The following KCNQ5 variants were observed in gnomAD, a reference collection of about 807,000 sequenced individuals.
The protein encoded by KCNQ5 is potassium voltage-gated channel subfamily Q member 5.
A neutral mutation model predicts 98.2 loss-of-function variants in KCNQ5; 30 were observed. The observed-to-expected ratio is 0.31, with a 90% CI of 0.23 to 0.41. The LOEUF (loss-of-function observed/expected upper bound fraction) is 0.41. KCNQ5 is among the 10% of genes least tolerant of loss of function. KCNQ5 has a pLI of 1.00. For missense variants in KCNQ5, 835 were observed against 1,182.5 expected, an observed-to-expected ratio of 0.71 and a Z score of 4.31; for synonymous variants, 458 against 449.4, an observed-to-expected ratio of 1.02 and a Z score of -0.24.
At chr6:73,147,841 C>T (rs959325370) in intron 10 of KCNQ5, among the ~76,000 whole-genome samples, 21 of 152,012 alleles carry the variant, frequency 1.4e-4, no homozygotes, top group African/African-American at 4.6e-4. Context: ...TTATTAAAAT[C>T]GTTATTGCTG....
chr6:73,038,984 T>C (rs973066879), intron 2 of KCNQ5, among the ~76,000 whole-genome samples: 2 of 152,122 alleles, frequency 1.3e-5, no homozygotes, highest in Admixed American at 6.5e-5. Context: ...ACATTTCTGT[T>C]TGGGGAGATT....
chr6:73,138,075 G>A (rs1256176450), intron 10 of KCNQ5, among the ~76,000 whole-genome samples: 1 of 152,134 alleles, frequency 6.6e-6, no homozygotes, highest in East Asian at 1.9e-4. Flanking sequence ...TGGGGAAATG[G>A]CCTTTCAATG....
intron 1 of KCNQ5, among the ~76,000 whole-genome samples, chr6:72,725,795 A>G (rs921995360): frequency 6.6e-6 from 1 of 152,198 alleles, no homozygotes; most frequent in Non-Finnish European, 1.5e-5. Context: ...AAATATATAT[A>G]ATTATTACTT....
intron 1 of KCNQ5, among the ~76,000 whole-genome samples, chr6:72,731,560 A>C (rs887838179): frequency 2.6e-5 from 4 of 152,142 alleles, no homozygotes; most frequent in African/African-American, 9.7e-5. Flanking sequence ...CTCCATCCCC[A>C]AGTTTGCCTC....
chr6:73,121,735 G>T (rs1450787789), intron 8 of KCNQ5, among the ~76,000 whole-genome samples: 2 of 152,174 alleles, frequency 1.3e-5, no homozygotes, highest in Non-Finnish European at 2.9e-5. Context: ...TCTTAATGGA[G>T]GTTTGTGATG....
At chr6:73,050,187 A>C (rs1412425473) in intron 3 of KCNQ5, among the ~76,000 whole-genome samples, 1 of 151,710 alleles carries the variant, frequency 6.6e-6, no homozygotes, top group Non-Finnish European at 1.5e-5. Flanking sequence ...ACTGTACTGC[A>C]GCCTGGGCAA....
At chr6:72,996,796 C>T (rs1769322089) in intron 1 of KCNQ5, among the ~76,000 whole-genome samples, 1 of 152,134 alleles carries the variant, frequency 6.6e-6, no homozygotes, top group African/African-American at 2.4e-5. Context: ...AGGGATGTAA[C>T]AACAAACTGG....
At chr6:72,809,998 A>G (rs1160369194) in intron 1 of KCNQ5, among the ~76,000 whole-genome samples, 1 of 152,160 alleles carries the variant, frequency 6.6e-6, no homozygotes, top group African/African-American at 2.4e-5. Context: ...TGGGCCCTGA[A>G]TGATTAAGAA....
intron 1 of KCNQ5, among the ~76,000 whole-genome samples, chr6:72,671,175 T>A (rs919980174): frequency 3.3e-5 from 5 of 152,302 alleles, no homozygotes; most frequent in Admixed American, 3.3e-4. Context: ...TCCCTTTTCT[T>A]TTGGAGCTCT....
intron 1 of KCNQ5, among the ~76,000 whole-genome samples, chr6:72,635,670 GTT>G (rs528990234): frequency 1.8e-4 from 12 of 65,064 alleles, no homozygotes; most frequent in African/African-American, 6.0e-4. Context: ...ATTGCTCCTA[GTT>G]TTTTTTTTTT....
chr6:72,656,151 C>T (rs2154472666), intron 1 of KCNQ5, among the ~76,000 whole-genome samples: 1 of 152,286 alleles, frequency 6.6e-6, no homozygotes, highest in East Asian at 1.9e-4. Context: ...AAAGTGGATG[C>T]ATAATTAAAA....
At position 72,770,396 on chromosome 6, in the gene KCNQ5, G is replaced by A. The variant is rs115643323; in HGVS notation, c.398+147809G>A. Among the ~76,000 whole-genome samples the A allele has an allele frequency of 9.0e-3, 1,362 of 152,138 alleles. 21 individuals carry two copies. Among genetic ancestry groups the A allele is most frequent in the African/African-American group, 0.029 (1,206 of 41,536 alleles). ...TGGTGAAATGTTTCAGTGATGGCTT[G>A]ACAAGTAAATTTATTTCAGGGGTTT... On this transcript the variant is annotated intron_variant, in intron 1 of 13. Coordinates refer to ENST00000370398, the MANE Select transcript of KCNQ5 (RefSeq NM_019842.4).
chr6:72,631,380 A>G (rs1371606772), intron 1 of KCNQ5, among the ~76,000 whole-genome samples: 1 of 152,236 alleles, frequency 6.6e-6, no homozygotes, highest in East Asian at 1.9e-4. Context: ...GGAGAATACC[A>G]ACATTTAATT....
chr6:72,677,101 A>G (rs965876648), intron 1 of KCNQ5: 1 of 152,194 alleles, frequency 6.6e-6, no homozygotes, highest in East Asian at 1.9e-4. Flanking sequence ...TCAGTGGGTC[A>G]ACCAAAACCG....
At chr6:72,937,318 G>A (rs1476773431) in intron 1 of KCNQ5, among the ~76,000 whole-genome samples, 5 of 152,008 alleles carry the variant, frequency 3.3e-5, no homozygotes, top group African/African-American at 1.2e-4. Flanking sequence ...TTTTACTTCA[G>A]GCAAAGAACT....
chr6:73,189,471 G>T (rs992267417), intron 11 of KCNQ5, among the ~76,000 whole-genome samples: 2 of 152,140 alleles, frequency 1.3e-5, no homozygotes, highest in African/African-American at 2.4e-5. Flanking sequence ...ACCTAAGATA[G>T]ACAATGGATG....
At chr6:73,101,286 C>T (rs555460940) in intron 5 of KCNQ5, among the ~76,000 whole-genome samples, 17 of 152,236 alleles carry the variant, frequency 1.1e-4, no homozygotes, top group African/African-American at 4.1e-4. Context: ...AAAGATCATC[C>T]ATCATGACCA....
chr6:72,669,023 CT>C (rs2154473256), intron 1 of KCNQ5, among the ~76,000 whole-genome samples: 1 of 152,248 alleles, frequency 6.6e-6, no homozygotes, highest in African/African-American at 2.4e-5. Flanking sequence ...CATTCCACCC[CT>C]GGCCCCCCAA....
At chr6:73,092,947 CT>C (rs1422879807) in intron 5 of KCNQ5, among the ~76,000 whole-genome samples, 4 of 151,836 alleles carry the variant, frequency 2.6e-5, no homozygotes, top group Non-Finnish European at 5.9e-5. Context: ...GGGAGGGTTC[CT>C]TCTTTATCTT....
Sources: allele counts gnomAD v4.1 joint callset (sites outside exome capture counted in the v4.1 genomes callset), GRCh38; gene constraint gnomAD v4.1.1; transcripts MANE v1.5; gene names NCBI Gene and HGNC (gene_info 2026-07-23, HGNC 2026-07-21).